DCAF8L2: variants seen among roughly 807,000 people sequenced by gnomAD.
DCAF8L2 encodes DDB1 and CUL4 associated factor 8 like 2.
For missense variants in DCAF8L2, 430 were observed against 490.7 expected (o/e 0.88, Z 1.17); for synonymous variants, 200 against 190.9 (o/e 1.05, Z -0.39).
At chrX:27,744,272 G>A (rs1280138767) in intron 4 of DCAF8L2, among the ~76,000 whole-genome samples, 7 of 111,146 alleles carry the variant, frequency 6.3e-5, no homozygotes, top group African/African-American at 1.6e-4. Context: ...GTCATAGAGG[G>A]GAAAATAAGA....
chrX:27,611,857 G>A (rs986405189), intron 1 of DCAF8L2, among the ~76,000 whole-genome samples: 3 of 111,121 alleles, frequency 2.7e-5, no homozygotes, highest in African/African-American at 9.8e-5. Flanking sequence ...TGGACATTTG[G>A]GTTGGTTCCA....
chrX:27,548,206 C>T, the DCAF8L2 span, among the ~76,000 whole-genome samples: 1 of 110,260 alleles, frequency 9.1e-6, no homozygotes, highest in Admixed American at 9.8e-5. Context: ...TTTCCGATAC[C>T]GGAAGTCATT....
intron 1 of DCAF8L2, among the ~76,000 whole-genome samples, chrX:27,613,805 C>G (rs1927312858): frequency 9.0e-6 from 1 of 111,145 alleles, no homozygotes; most frequent in Non-Finnish European, 1.9e-5. Context: ...ACGAAGCCAA[C>G]TTGATCTTGG....
intron 2 of DCAF8L2, among the ~76,000 whole-genome samples, chrX:27,645,107 G>A (rs1460850145): frequency 9.0e-6 from 1 of 111,605 alleles, no homozygotes; most frequent in Admixed American, 9.5e-5. Context: ...ACCTGGCACA[G>A]ATATAACAGA....
At chrX:27,594,723 A>G (rs1257511829) in intron 1 of DCAF8L2, among the ~76,000 whole-genome samples, 2 of 111,668 alleles carry the variant, frequency 1.8e-5, no homozygotes, top group Admixed American at 1.9e-4. Context: ...CCTATAATTT[A>G]ATTGTAGTTT....
At chrX:27,600,086 G>A (rs780845251) in intron 1 of DCAF8L2, among the ~76,000 whole-genome samples, 5 of 111,951 alleles carry the variant, frequency 4.5e-5, no homozygotes, top group Non-Finnish European at 7.5e-5. Flanking sequence ...TAACCAGAAG[G>A]TGGCACAAGA....
At position 27,747,551 on chromosome X, in the gene DCAF8L2, G is replaced by A. The variant is rs866230644; in HGVS notation, c.656G>A (p.Arg219His). ...CGARAFVQRFRLQYRLADHVG... is the reference protein window; with the variant it reads ...CGARAFVQRFHLQYRLADHVG... Reference sequence around the variant, plus strand: ...GCAAGAGCCTTTGTGCAGCGTTTCCGCCTGCAATATCGTCTTGCAGACCAT... The same window carrying A: ...GCAAGAGCCTTTGTGCAGCGTTTCCACCTGCAATATCGTCTTGCAGACCAT... The change falls in exon 5 of 5, where the codon CGC becomes CAC. Residue 219 changes from arginine (R) to histidine (H), a missense_variant. By Grantham distance (29) the Arg-to-His change is conservative. Transcript: ENST00000451261. 8.4e-6 allele frequency: 10 copies of A among 1,185,327 alleles called. No individual in the cohort carries two copies. The highest frequency in any genetic ancestry group is 1.1e-5 in the Non-Finnish European group (10 of 881,790).
chrX:27,559,692 C>G, the DCAF8L2 span, among the ~76,000 whole-genome samples: 1 of 111,451 alleles, frequency 9.0e-6, no homozygotes, highest in Non-Finnish European at 1.9e-5. Context: ...CAGTGGCAGT[C>G]TGACCTCAAC....
At chrX:27,704,327 T>C (rs1222303572) in intron 3 of DCAF8L2, among the ~76,000 whole-genome samples, 1 of 107,945 alleles carries the variant, frequency 9.3e-6, no homozygotes, top group Non-Finnish European at 1.9e-5. Context: ...CACAATGGAA[T>C]ATTATCCAGC....
intron 4 of DCAF8L2, among the ~76,000 whole-genome samples, chrX:27,730,626 C>A (rs1357670170): frequency 9.1e-6 from 1 of 109,709 alleles, no homozygotes; most frequent in Non-Finnish European, 1.9e-5. Flanking sequence ...CCATGTTGGC[C>A]AGGCTGGTCT....
the DCAF8L2 span, among the ~76,000 whole-genome samples, chrX:27,541,024 T>C: frequency 8.9e-6 from 1 of 111,981 alleles, no homozygotes; most frequent in Non-Finnish European, 1.9e-5. Context: ...TCCCAAAATA[T>C]TGTAGGGGCC....
chrX:27,696,266 GAGAGAAAGAA>G (rs1375727808), intron 3 of DCAF8L2, among the ~76,000 whole-genome samples: 2 of 71,992 alleles, frequency 2.8e-5, no homozygotes, highest in Admixed American at 1.9e-4. Flanking sequence ...GGAAGAGAGA[GAGAGAAAGAA>G]AGAAAGAAAG....
the DCAF8L2 span, among the ~76,000 whole-genome samples, chrX:27,576,526 CAT>C: frequency 1.8e-5 from 2 of 111,936 alleles, no homozygotes; most frequent in African/African-American, 3.2e-5. Flanking sequence ...AAAAGGAAAA[CAT>C]TATCTCATTT....
intron 4 of DCAF8L2, among the ~76,000 whole-genome samples, chrX:27,741,827 T>C (rs1340192508): frequency 1.8e-5 from 2 of 112,144 alleles, no homozygotes; most frequent in African/African-American, 3.2e-5. Flanking sequence ...GATCAGTTTA[T>C]CTAATCACAG....
chrX:27,747,540 G>C lies in DCAF8L2; in HGVS notation c.645G>C (p.Val215=), dbSNP rs768974956. The change falls in exon 5 of 5, where the codon GTG becomes GTC. Residue 215 remains valine, a synonymous_variant. Transcript: ENST00000451261. The part of the protein sequence containing the change: ...VYEACGARAF[V]QRFRLQYRLA... ...AGGCCTGTGGGGCAAGAGCCTTTGT[G>C]CAGCGTTTCCGCCTGCAATATCGTC... The C allele has an allele frequency of 8.5e-7, 1 of 1,182,558 alleles. No individual in the cohort carries two copies. The highest frequency in any genetic ancestry group is 1.1e-6 in the Non-Finnish European group (1 of 880,498).
At chrX:27,713,435 C>A (rs766743743) in intron 3 of DCAF8L2, among the ~76,000 whole-genome samples, 1 of 111,237 alleles carries the variant, frequency 9.0e-6, no homozygotes, top group East Asian at 2.8e-4. Flanking sequence ...TTGAAAGAAA[C>A]TCTTCAGGAG....
At chrX:27,564,075 ATAAAGGAAAGAG>A in the DCAF8L2 span, among the ~76,000 whole-genome samples, 1 of 111,888 alleles carries the variant, frequency 8.9e-6, no homozygotes, top group Non-Finnish European at 1.9e-5. Context: ...TGGGTAATTT[ATAAAGGAAAGAG>A]GTTTAAATGA....
chrX:27,485,924 C>CTTTTTTTTTT, the DCAF8L2 span, among the ~76,000 whole-genome samples: 6 of 58,826 alleles, frequency 1.0e-4, no homozygotes, highest in East Asian at 1.4e-3. Context: ...TTCTTTTTCT[C>CTTTTTTTTTT]TTTTTTTTTT....
rs200853085 is a variant in DCAF8L2, at chrX:27,720,374, TA to T, written c.-59+4204del. 7.7e-3 allele frequency among the ~76,000 whole-genome samples: 828 copies of T among 108,092 alleles called. 12 individuals carry two copies. The highest frequency in any genetic ancestry group is 0.027 in the African/African-American group (786 of 29,274). 93.9% of individuals were successfully genotyped at this position (108,092 alleles called of 115,157 possible). On this transcript the variant is annotated intron_variant, in intron 4 of 4. Coordinates refer to ENST00000451261, the MANE Select transcript of DCAF8L2 (RefSeq NM_001353450.2). ...AGCTATTGTAGATTATTATTATTAT[TA>T]TTTTTTTTTGAGACGGAGTCTCGCT... is the stretch of plus-strand genomic sequence containing the variant.
Sources: gnomAD v4.1 joint callset for allele counts (sites outside exome capture counted in the v4.1 genomes callset) on GRCh38, gnomAD v4.1.1 for gene constraint, MANE v1.5 for transcripts, NCBI Gene and HGNC (gene_info 2026-07-23, HGNC 2026-07-21) for gene names.